Variants in ARID5A observed in about 807,000 individuals in gnomAD.
ARID5A encodes the protein AT-rich interaction domain 5A.
Under a neutral mutation model 30.5 loss-of-function variants are expected in ARID5A, and 14 were observed. The observed-to-expected ratio is 0.46, with a 90% CI of 0.30 to 0.72. The LOEUF is 0.72. ARID5A is among the 30% of genes least tolerant of loss of function. The probability of loss-of-function intolerance (pLI) is 0.07; values close to 1 mark genes in which losing one functional copy is unlikely to be tolerated. For synonymous variants in ARID5A, 338 were observed against 340.4 expected (o/e 0.99, Z 0.08); for missense variants, 669 against 786.2 (o/e 0.85, Z 1.78).
In ARID5A at chr2:96,539,443, TCAAC is replaced by T. The variant is rs2065804503; in HGVS notation, c.4+2616_4+2619del. On this transcript the variant is annotated intron_variant, in intron 1 of 6. Transcript: ENST00000357485. This position sits in a 1 kb window ranked among gnomAD's most constrained non-coding sequence, Gnocchi z 4.7. Reference sequence around the variant, plus strand: ...ATCTTAAGTTTGTCTTCAGTGACTCTCAACCACCGCCCGACTGCCTTCACCTTCC... The same window carrying T: ...ATCTTAAGTTTGTCTTCAGTGACTCTCACCGCCCGACTGCCTTCACCTTCC... 6.6e-6 allele frequency among the ~76,000 whole-genome samples: 1 copy of T among 152,214 alleles called. No homozygotes were observed. The highest frequency in any genetic ancestry group is 6.5e-5 in the Admixed American group (1 of 15,290).
Position 96,552,483 on chromosome 2 carries a change from A to C in ARID5A, c.*170A>C. The stretch of plus-strand genomic sequence containing the variant: ...AGAAGGCAGTGGGAAAACTGGGTTT[A>C]TCTCAAGGCAGCAGCCTGAGCCCAG... On this transcript the variant is annotated 3_prime_UTR_variant, in exon 7 of 7. Coordinates refer to ENST00000357485, the MANE Select transcript of ARID5A (RefSeq NM_212481.3). 1 of 1,537,254 alleles carries C rather than the reference A, an allele frequency of 6.5e-7. No individual in the cohort carries two copies. Among genetic ancestry groups the C allele is most frequent in the East Asian group, 2.4e-5 (1 of 40,908 alleles).
intron 1 of ARID5A, 135 bp from the exon 2 acceptor site, chr2:96,547,267 G>A (rs2065945472): frequency 1.5e-6 from 1 of 672,710 alleles, no homozygotes; most frequent in Non-Finnish European, 2.5e-6. Context: ...TGGGATCACA[G>A]GAGTGAGCCC....
chr2:96,546,382 G>A (rs2065928828), intron 1 of ARID5A, among the ~76,000 whole-genome samples: 1 of 152,262 alleles, frequency 6.6e-6, no homozygotes, highest in Admixed American at 6.5e-5. Context: ...GCCTCAGGCA[G>A]TTTCCAGTGG....
At position 96,541,801 on chromosome 2, in the gene ARID5A, A is replaced by T. The variant is rs1239075690; in HGVS notation, c.4+4971A>T. Among the ~76,000 whole-genome samples, 3 of 152,262 alleles carry T rather than the reference A, an allele frequency of 2.0e-5. No individual in the cohort carries two copies. The East Asian group carries it at 5.8e-4, about 29-fold the overall frequency. ...CCCCCACTTCTGTTACAAATAAAAC[A>T]TGTAAGGCATTGTGCCAGAAAAGAA... On this transcript the variant is annotated intron_variant, in intron 1 of 6. Coordinates refer to ENST00000357485, the MANE Select transcript of ARID5A (RefSeq NM_212481.3).
rs936430597 is a variant in ARID5A, at chr2:96,549,918, C to T, written c.312+113C>T. On this transcript the variant is annotated intron_variant, in intron 4 of 6. Coordinates refer to ENST00000357485, the MANE Select transcript of ARID5A (RefSeq NM_212481.3). The surrounding 1 kb of genome is among the most constrained non-coding windows in gnomAD (Gnocchi z 6.1). Reference sequence around the variant, plus strand: ...GCCAGGATCCCCAGTCCTACCCCTGCGTCCCTGCCTCCCTGCCTTCCCCGC... The same window carrying T: ...GCCAGGATCCCCAGTCCTACCCCTGTGTCCCTGCCTCCCTGCCTTCCCCGC... 7.8e-6 allele frequency: 12 copies of T among 1,532,074 alleles called. No individual in the cohort carries two copies. The highest frequency in any genetic ancestry group is 2.4e-5 in the East Asian group (1 of 41,974). The allele number at this position is 1,532,074 out of a possible 1,614,324, so 94.9% of individuals were successfully genotyped here.
In ARID5A at chr2:96,542,380, G is replaced by A. The variant is rs530935103; in HGVS notation, c.5-5022G>A. Among the ~76,000 whole-genome samples, 15 of 152,300 alleles carry A rather than the reference G, an allele frequency of 9.8e-5. No individual in the cohort carries two copies. The South Asian group carries it at 1.0e-3, about 11-fold the overall frequency. Reference sequence around the variant, plus strand: ...AATGTTTCCCTTTGTGGCTTAAGGCGAACAGCTCTAATCCCTTTCCCATCT... The same window carrying A: ...AATGTTTCCCTTTGTGGCTTAAGGCAAACAGCTCTAATCCCTTTCCCATCT... On this transcript the variant is annotated intron_variant, in intron 1 of 6. Transcript: ENST00000357485.
At position 96,550,349 on chromosome 2, in the gene ARID5A, C is replaced by T. The variant is rs577522050; in HGVS notation, c.410+64C>T. 4.9e-6 allele frequency: 7 copies of T among 1,423,106 alleles called. No individual in the cohort carries two copies. The highest frequency in any genetic ancestry group is 4.5e-5 in the South Asian group (3 of 66,162). The allele number at this position is 1,423,106 out of a possible 1,614,324, so 88.2% of individuals were successfully genotyped here. On this transcript the variant is annotated intron_variant, in intron 5 of 6. Coordinates refer to ENST00000357485, the MANE Select transcript of ARID5A (RefSeq NM_212481.3). This position sits in a 1 kb window ranked among gnomAD's most constrained non-coding sequence, Gnocchi z 6.6. ...CCTGCGGGGCTTTGGCCGACCTTGC[C>T]GGGAGGGCCGGGTGGACTCTGCCCG...
In ARID5A at chr2:96,552,530, T is replaced by C. The variant is rs749119698; in HGVS notation, c.*217T>C. On this transcript the variant is annotated 3_prime_UTR_variant, in exon 7 of 7. Transcript: ENST00000357485. ...CCAGGAGCAGAGGACCCAGTTGTTA[T>C]AAGGCGCTGGGAGAGGATGGGCAGC... The C allele has an allele frequency of 2.4e-5, 36 of 1,531,528 alleles. No homozygotes were observed. The South Asian group carries it at 3.4e-4, about 14-fold the overall frequency. The allele number at this position is 1,531,528 out of a possible 1,614,324, so 94.9% of individuals were successfully genotyped here.
chr2:96,540,871 G>C (rs912197382), intron 1 of ARID5A, among the ~76,000 whole-genome samples: 2 of 151,884 alleles, frequency 1.3e-5, no homozygotes, highest in Non-Finnish European at 2.9e-5. Context: ...TCAGCCTCCC[G>C]AGTAGCTGGG....
intron 2 of ARID5A, 124 bp downstream of exon 2, chr2:96,547,641 C>T (rs1006605081): frequency 7.2e-6 from 6 of 836,868 alleles, no homozygotes; most frequent in Non-Finnish European, 1.1e-5. Flanking sequence ...CCTACCCTGG[C>T]CCTGCCCAGC....
intron 1 of ARID5A, chr2:96,538,328 G>A: frequency 1.0e-6 from 1 of 985,562 alleles, no homozygotes; most frequent in African/African-American, 1.7e-5. Flanking sequence ...CCCGGTAAGA[G>A]GGACAGGGAG....
In ARID5A at chr2:96,551,263, C is replaced by T. The variant is rs1021154094; in HGVS notation, c.735C>T (p.Ser245=). The change falls in exon 7 of 7, where the codon AGC becomes AGT. Residue 245 remains serine, a synonymous_variant. Transcript: ENST00000357485. ...CPEAYKRLLS[S]FYCKGTHGIM... ...AGGCCTACAAGCGGCTCCTATCCAGCTTCTACTGCAAGGGGACACACGGCA... is the reference window on the plus strand; with the variant it reads ...AGGCCTACAAGCGGCTCCTATCCAGTTTCTACTGCAAGGGGACACACGGCA... The T allele has an allele frequency of 2.5e-5, 40 of 1,613,838 alleles. No homozygotes were observed. Among genetic ancestry groups the T allele is most frequent in the Non-Finnish European group, 3.4e-5 (40 of 1,180,028 alleles).
rs1419269951 is a variant in ARID5A, at chr2:96,549,539, C to G, written c.259+80C>G. 6.4e-7 allele frequency: 1 copy of G among 1,564,526 alleles called. No individual in the cohort carries two copies. Among genetic ancestry groups the G allele is most frequent in the East Asian group, 2.2e-5 (1 of 44,462 alleles). The stretch of plus-strand genomic sequence containing the variant: ...GCAGGGCATCGGGCAGGCACTCCCA[C>G]TCTGGGTGACCCAGGTTGCAGATAG... On this transcript the variant is annotated intron_variant, in intron 3 of 6. Transcript: ENST00000357485. This position sits in a 1 kb window ranked among gnomAD's most constrained non-coding sequence, Gnocchi z 6.1.
intron 1 of ARID5A, chr2:96,538,065 G>A (rs2065774286): frequency 2.0e-6 from 2 of 985,402 alleles, no homozygotes; most frequent in Non-Finnish European, 2.4e-6. Flanking sequence ...AGAGCTCAGA[G>A]CCCAATCCAG....
At chr2:96,536,944 G>A in intron 1 of ARID5A, 114 bp downstream of exon 1, 1 of 1,181,890 alleles carries the variant, frequency 8.5e-7, no homozygotes, top group Non-Finnish European at 1.1e-6. Flanking sequence ...GCTGTGTGGG[G>A]CGGAGAGGGG....
chr2:96,546,318 G>A (rs945500188), intron 1 of ARID5A, among the ~76,000 whole-genome samples: 2 of 152,248 alleles, frequency 1.3e-5, no homozygotes, highest in African/African-American at 4.8e-5. Flanking sequence ...GAAAGAAAAG[G>A]TTGTCAGAAG....
In ARID5A at chr2:96,551,870, G is replaced by C; in HGVS notation, c.1342G>C (p.Glu448Gln). 1 of 1,581,804 alleles carries C rather than the reference G, an allele frequency of 6.3e-7. No homozygotes were observed. Among genetic ancestry groups the C allele is most frequent in the Non-Finnish European group, 8.6e-7 (1 of 1,167,046 alleles). Reference sequence around the variant, plus strand: ...AGGCCTGGGCAGCAAGCGCAGCCTGGAGGAAGAGGGTGCTGCCCACAGTGG... The same window carrying C: ...AGGCCTGGGCAGCAAGCGCAGCCTGCAGGAAGAGGGTGCTGCCCACAGTGG... ...SPGLGSKRSL[E>Q]EEGAAHSGKR... The change falls in exon 7 of 7, where the codon GAG (glutamate) becomes CAG (glutamine). Residue 448 changes from glutamate (E) to glutamine (Q), a missense_variant. Around this residue, in one of 4 missense-constraint regions of ARID5A, gnomAD observed 548 missense variants for 577.4 expected, o/e 0.95. Transcript: ENST00000357485.
chr2:96,552,221 C>T lies in ARID5A; in HGVS notation c.1693C>T (p.His565Tyr), dbSNP rs1249911047. ...PPTSFDSALR[H>Y]RLCPASSAWH... ...AACGTCCTTCGACAGTGCCCTCCGCCACAGACTTTGCCCGGCCTCATCTGC... is the reference window on the plus strand; with the variant it reads ...AACGTCCTTCGACAGTGCCCTCCGCTACAGACTTTGCCCGGCCTCATCTGC... Residue 565 changes from histidine (H) to tyrosine (Y), a missense_variant, in exon 7 of 7, where the codon CAC (histidine) becomes TAC (tyrosine). His to Tyr is a moderately conservative substitution (Grantham distance 83, BLOSUM62 2). Coordinates refer to ENST00000357485, the MANE Select transcript of ARID5A (RefSeq NM_212481.3). 1.9e-6 allele frequency: 3 copies of T among 1,613,500 alleles called. No homozygotes were observed. The highest frequency in any genetic ancestry group is 2.5e-6 in the Non-Finnish European group (3 of 1,179,962).
chr2:96,547,522 G>A lies in ARID5A; in HGVS notation c.120+5G>A. ...CAGAACCCCATCTCGCTGGAGGTGAGTTGACTCCCTCTGCTGACTCCCTGG... is the reference window on the plus strand; with the variant it reads ...CAGAACCCCATCTCGCTGGAGGTGAATTGACTCCCTCTGCTGACTCCCTGG... On this transcript the variant is annotated splice_donor_5th_base_variant and intron_variant, in intron 2 of 6. Transcript: ENST00000357485. 6.2e-7 allele frequency: 1 copy of A among 1,613,440 alleles called. No individual in the cohort carries two copies. Among genetic ancestry groups the A allele is most frequent in the Non-Finnish European group, 8.5e-7 (1 of 1,179,616 alleles).
Sources: gnomAD v4.1 joint callset for allele counts (sites outside exome capture counted in the v4.1 genomes callset) on GRCh38, gnomAD v4.1.1 for gene constraint, gnomAD v4.1.1 regional missense constraint, Gnocchi (gnomAD v3.1) non-coding constraint, MANE v1.5 for transcripts, NCBI Gene and HGNC (gene_info 2026-07-23, HGNC 2026-07-21) for gene names.